Variants in MACROD2 observed in about 807,000 individuals in gnomAD.
The protein encoded by MACROD2 is mono-ADP ribosylhydrolase 2.
MACROD2 carries 36 observed loss-of-function variants against 70.4 expected under a neutral mutation model. The ratio of observed to expected loss-of-function variants is 0.51; its 90% CI spans 0.39 to 0.68. The LOEUF is 0.68. MACROD2 is among the 30% of genes least tolerant of loss of function. The pLI is 0.00. For synonymous variants in MACROD2, 172 were observed against 178.8 expected, an observed-to-expected ratio of 0.96 and a Z score of 0.30; for missense variants, 496 against 538.4, an observed-to-expected ratio of 0.92 and a Z score of 0.78.
rs184362284 is a variant in MACROD2 at position 14,937,702 on chromosome 20, C to A, written c.418+252743C>A. 3.0e-3 allele frequency among the ~76,000 whole-genome samples: 454 copies of A among 152,044 alleles called. 2 individuals are homozygous for A. Among genetic ancestry groups the A allele is most frequent in the African/African-American group, 0.01 (425 of 41,494 alleles). Reference sequence around the variant, plus strand: ...TAATGCTAGAAACATTCAAATTATTCTTTTAACTATTTTGAAATATACAAT... The same window carrying A: ...TAATGCTAGAAACATTCAAATTATTATTTTAACTATTTTGAAATATACAAT... On this transcript the variant is annotated intron_variant, in intron 5 of 17. Coordinates refer to ENST00000684519, the MANE Select transcript of MACROD2 (RefSeq NM_001351661.2).
Position 14,088,353 on chromosome 20 carries a change from A to C in MACROD2, c.271+2625A>C, listed in dbSNP as rs535956663. Among the ~76,000 whole-genome samples the C allele has an allele frequency of 2.6e-5, 4 of 151,836 alleles. No homozygotes were observed. The East Asian group carries it at 7.7e-4, about 29-fold the overall frequency. ...AAAAAAAAAAAAAAAAAAAAGTTAA[A>C]GCTCATATGTTTATAGAATTTAGGG... On this transcript the variant is annotated intron_variant, in intron 3 of 17. Transcript: ENST00000684519.
chr20:14,013,274 T>C (rs1201643181), intron 2 of MACROD2, among the ~76,000 whole-genome samples: 1 of 100,210 alleles, frequency 1.0e-5, no homozygotes, highest in Admixed American at 1.2e-4. Context: ...CTGTACTTTC[T>C]TTTTTTTTTT....
At chr20:15,571,456 G>T (rs2048375383) in intron 8 of MACROD2, among the ~76,000 whole-genome samples, 1 of 150,928 alleles carries the variant, frequency 6.6e-6, no homozygotes, top group Admixed American at 6.6e-5. Context: ...TACTTTGTTA[G>T]GAAAATACAC....
At chr20:15,145,876 C>T (rs1308707424) in intron 5 of MACROD2, among the ~76,000 whole-genome samples, 1 of 151,864 alleles carries the variant, frequency 6.6e-6, no homozygotes, top group Non-Finnish European at 1.5e-5. Flanking sequence ...GAAACACCAC[C>T]ATTGATATGA....
intron 8 of MACROD2, among the ~76,000 whole-genome samples, chr20:15,663,359 T>G (rs2049849760): frequency 6.6e-6 from 1 of 151,590 alleles, no homozygotes; most frequent in Non-Finnish European, 1.5e-5. Flanking sequence ...CTCAGCCTCC[T>G]GAGTAGCTGG....
chr20:16,010,988 A>C (rs2066855526), intron 15 of MACROD2, among the ~76,000 whole-genome samples: 1 of 152,208 alleles, frequency 6.6e-6, no homozygotes, highest in Non-Finnish European at 1.5e-5. Flanking sequence ...GCTGTGAGGA[A>C]AGGCTTTCCT....
chr20:14,656,491 A>C (rs1012229156), intron 4 of MACROD2, among the ~76,000 whole-genome samples: 4 of 152,244 alleles, frequency 2.6e-5, no homozygotes, highest in African/African-American at 4.8e-5. Flanking sequence ...ATCCTAGTTC[A>C]TTTGAACATT....
chr20:15,404,640 T>A (rs2045973016), intron 6 of MACROD2, among the ~76,000 whole-genome samples: 1 of 152,224 alleles, frequency 6.6e-6, no homozygotes, highest in Admixed American at 6.5e-5. Flanking sequence ...GCCATTGAAC[T>A]ACCTCCCCTG....
At chr20:15,817,633 G>A (rs988078324) in intron 8 of MACROD2, among the ~76,000 whole-genome samples, 1 of 152,050 alleles carries the variant, frequency 6.6e-6, no homozygotes, top group Non-Finnish European at 1.5e-5. Flanking sequence ...TCTCACAACT[G>A]TTTCTTCTCT....
intron 8 of MACROD2, among the ~76,000 whole-genome samples, chr20:15,853,224 C>T (rs1175455800): frequency 7.9e-5 from 12 of 152,078 alleles, no homozygotes; most frequent in Admixed American, 7.9e-4. Flanking sequence ...ACTATGCAAA[C>T]AAGCAACTGA....
intron 5 of MACROD2, among the ~76,000 whole-genome samples, chr20:15,197,236 T>C (rs113476631): frequency 2.8e-4 from 43 of 152,270 alleles, no homozygotes; most frequent in African/African-American, 9.9e-4. Context: ...ATGTTCATCA[T>C]AAAAATGACA....
chr20:15,883,348 T>C (rs372003058), intron 9 of MACROD2, among the ~76,000 whole-genome samples: 6 of 152,222 alleles, frequency 3.9e-5, no homozygotes, highest in African/African-American at 1.4e-4. Flanking sequence ...CTATGAAGTT[T>C]ACTTTGTAAC....
chr20:15,398,127 C>T (rs1268223375), intron 6 of MACROD2, among the ~76,000 whole-genome samples: 2 of 152,130 alleles, frequency 1.3e-5, no homozygotes, highest in Non-Finnish European at 2.9e-5. Context: ...TTTGGAACTA[C>T]ATGAGGAAGA....
intron 3 of MACROD2, among the ~76,000 whole-genome samples, chr20:14,447,297 C>T (rs1224116300): frequency 3.3e-5 from 5 of 152,104 alleles, no homozygotes; most frequent in Admixed American, 2.6e-4. Context: ...GGATTACAGG[C>T]GTGAGCCACT....
At chr20:14,465,623 T>C (rs1434016735) in intron 3 of MACROD2, among the ~76,000 whole-genome samples, 1 of 152,148 alleles carries the variant, frequency 6.6e-6, no homozygotes, top group Non-Finnish European at 1.5e-5. Flanking sequence ...AGTTTCTTCC[T>C]AGTGTTGATG....
At chr20:14,305,543 T>A (rs1470254833) in intron 3 of MACROD2, among the ~76,000 whole-genome samples, 3 of 152,100 alleles carry the variant, frequency 2.0e-5, no homozygotes, top group Non-Finnish European at 4.4e-5. Flanking sequence ...GGTTACTCTA[T>A]TTCTTGATTG....
At chr20:15,472,114 A>C (rs775969982) in intron 7 of MACROD2, among the ~76,000 whole-genome samples, 3 of 152,120 alleles carry the variant, frequency 2.0e-5, no homozygotes, top group Non-Finnish European at 2.9e-5. Flanking sequence ...CATTTCCTTA[A>C]AGTATATACC....
intron 3 of MACROD2, among the ~76,000 whole-genome samples, chr20:14,265,385 A>C (rs1764653108): frequency 6.6e-6 from 1 of 152,196 alleles, no homozygotes; most frequent in Admixed American, 6.6e-5. Flanking sequence ...GGGAGGAGGA[A>C]GAGAAAGAAA....
chr20:14,266,362 T>G (rs1476337302), intron 3 of MACROD2, among the ~76,000 whole-genome samples: 1 of 152,148 alleles, frequency 6.6e-6, no homozygotes, highest in Non-Finnish European at 1.5e-5. Flanking sequence ...AAATCCCTAC[T>G]CTAAGCCTTT....
Sources: gnomAD v4.1 joint callset for allele counts (sites outside exome capture counted in the v4.1 genomes callset) on GRCh38, gnomAD v4.1.1 for gene constraint, MANE v1.5 for transcripts, NCBI Gene and HGNC (gene_info 2026-07-23, HGNC 2026-07-21) for gene names.